CDKL2: variants seen among roughly 807,000 people sequenced by gnomAD.
CDKL2 encodes cyclin dependent kinase like 2, also known as cyclin-dependent kinase-like 2.
Under a neutral mutation model 63.9 loss-of-function variants are expected in CDKL2, and 64 were observed. The observed-to-expected ratio is 1.00, with a 90% confidence interval of 0.82 to 1.23. CDKL2 has a LOEUF of 1.23. CDKL2 is among the 50% of genes most tolerant of loss of function. The pLI is 0.00. For missense variants in CDKL2, 656 were observed against 668.0 expected (o/e 0.98, Z 0.20); for synonymous variants, 211 against 229.2 (o/e 0.92, Z 0.72).
At position 75,629,151 on chromosome 4, in the gene CDKL2, T is replaced by TTTTA. The variant is rs969747657; in HGVS notation, c.-30+887_-30+890dup. 9.0e-4 allele frequency among the ~76,000 whole-genome samples: 137 copies of TTTTA among 152,336 alleles called. 1 individual carries two copies. The highest frequency in any genetic ancestry group is 3.2e-3 in the African/African-American group (132 of 41,572). The stretch of plus-strand genomic sequence containing the variant: ...TTTTCTCTTCCATTAAGAGAGTATG[T>TTTTA]TTTATTAAGCACTAGGCTTTAGGTT... On this transcript the variant is annotated intron_variant, in intron 1 of 13. Coordinates refer to ENST00000307465, the MANE Select transcript of CDKL2 (RefSeq NM_001330724.2).
At chr4:75,621,568 A>G (rs894383147) in intron 2 of CDKL2, among the ~76,000 whole-genome samples, 18 of 151,916 alleles carry the variant, frequency 1.2e-4, no homozygotes, top group Admixed American at 9.2e-4. Context: ...TACAGTGCCC[A>G]GGCTGGAGTG....
chr4:75,612,807 A>C (rs1200148404), intron 3 of CDKL2, among the ~76,000 whole-genome samples: 1 of 152,208 alleles, frequency 6.6e-6, no homozygotes, highest in African/African-American at 2.4e-5. Context: ...AGAGACAGAT[A>C]GTCTCAAAAT....
chr4:75,615,104 G>A (rs1423739550), intron 2 of CDKL2, among the ~76,000 whole-genome samples: 1 of 151,978 alleles, frequency 6.6e-6, no homozygotes, highest in Non-Finnish European at 1.5e-5. Flanking sequence ...GTGAGGCAGT[G>A]TAGAAGGCAA....
At chr4:75,603,043 A>C (rs1578332705) in intron 6 of CDKL2, among the ~76,000 whole-genome samples, 1 of 124,094 alleles carries the variant, frequency 8.1e-6, no homozygotes, top group South Asian at 2.5e-4. Context: ...CCCAGGCCGG[A>C]CTGCGGACTG....
chr4:75,592,211 G>A lies in CDKL2; in HGVS notation c.1475C>T (p.Thr492Ile), dbSNP rs1728745419. The A allele has an allele frequency of 6.5e-7, 1 of 1,534,742 alleles. No homozygotes were observed. Among genetic ancestry groups the A allele is most frequent in the African/African-American group, 1.4e-5 (1 of 72,974 alleles). ...GTTTAGTTCAGGCAAACGGACATCT[G>A]TCCTGGAGTATTCTCTTCTTTTCTT... The part of the protein sequence containing the change: ...ASKKRREYSR[T>I]DVRLPELNYN... Residue 492 changes from threonine (T) to isoleucine (I), a missense_variant, in exon 11 of 14, where the codon ACA becomes ATA. Physicochemically the swap from Thr to Ile is moderately conservative, Grantham distance 89 (BLOSUM62 -1). Transcript: ENST00000307465.
At position 75,584,594 on chromosome 4, in the gene CDKL2, G is replaced by A. The variant is rs182984028; in HGVS notation, c.1648-2696C>T. On this transcript the variant is annotated intron_variant, in intron 12 of 13. Coordinates refer to ENST00000307465, the MANE Select transcript of CDKL2 (RefSeq NM_001330724.2). The stretch of plus-strand genomic sequence containing the variant: ...GTGTTAAGTAGTCCCCCCGATCCAT[G>A]AGGGATATGTTCCAAGGCCCCCAGC... Among the ~76,000 whole-genome samples the A allele has an allele frequency of 3.9e-4, 60 of 152,288 alleles. 1 individual carries two copies. The highest frequency in any genetic ancestry group is 1.4e-3 in the African/African-American group (57 of 41,566).
At chr4:75,614,922 A>AGT (rs970807092) in intron 2 of CDKL2, among the ~76,000 whole-genome samples, 1 of 148,386 alleles carries the variant, frequency 6.7e-6, no homozygotes, top group Non-Finnish European at 1.5e-5. Context: ...ACATATATAT[A>AGT]GTATATATAT....
At chr4:75,580,511 C>T (rs1728213147) in intron 13 of CDKL2, among the ~76,000 whole-genome samples, 1 of 150,054 alleles carries the variant, frequency 6.7e-6, no homozygotes, top group African/African-American at 2.4e-5. Flanking sequence ...ACCAAAAATA[C>T]AAAAAATTAG....
At position 75,614,237 on chromosome 4, in the gene CDKL2, T is replaced by C; in HGVS notation, c.363+18A>G. On this transcript the variant is annotated intron_variant, in intron 3 of 13. Coordinates refer to ENST00000307465, the MANE Select transcript of CDKL2 (RefSeq NM_001330724.2). ...AATAAATATGTGATAAAGCAAATTA[T>C]TTAAACCCAATACTTACATTGTGAC... 6.6e-7 allele frequency: 1 copy of C among 1,505,488 alleles called. No homozygotes were observed. Among genetic ancestry groups the C allele is most frequent in the Non-Finnish European group, 9.1e-7 (1 of 1,098,806 alleles). The allele number at this position is 1,505,488 out of a possible 1,614,324, so 93.3% of individuals were successfully genotyped here.
In CDKL2 at chr4:75,578,293, C is replaced by A; in HGVS notation, c.*909G>T. ...AACTACCAGGGGACAAAAGTGGAGT[C>A]CATAATAATGAACGTTCTCTCCCCA... On this transcript the variant is annotated 3_prime_UTR_variant, in exon 14 of 14. Transcript: ENST00000307465. The A allele has an allele frequency of 6.6e-6, 1 of 152,162 alleles. No individual in the cohort carries two copies. The highest frequency in any genetic ancestry group is 1.9e-4 in the East Asian group (1 of 5,196). 9.4% of individuals were successfully genotyped at this position (152,162 alleles called of 1,614,324 possible). A position where few individuals can be genotyped will look rare whatever the true frequency, so the allele number is the denominator to read the frequency against.
At chr4:75,619,894 A>G (rs1328825026) in intron 2 of CDKL2, among the ~76,000 whole-genome samples, 1 of 152,176 alleles carries the variant, frequency 6.6e-6, no homozygotes, top group Non-Finnish European at 1.5e-5. Context: ...TTTAAAAAGT[A>G]ATCTTTCAGG....
rs183314986 is a variant in CDKL2 at position 75,610,543 on chromosome 4, A to G, written c.364-3182T>C. Among the ~76,000 whole-genome samples, 595 of 152,274 alleles carry G rather than the reference A, an allele frequency of 3.9e-3. 12 individuals are homozygous for G. Among genetic ancestry groups the G allele is most frequent in the South Asian group, 0.029 (141 of 4,828 alleles). On this transcript the variant is annotated intron_variant, in intron 3 of 13. Coordinates refer to ENST00000307465, the MANE Select transcript of CDKL2 (RefSeq NM_001330724.2). ...ATACTAGATATAACCTAAATAAATT[A>G]TGATACCTAGTAATTTCAGTAAAAA...
chr4:75,604,802 C>A (rs1396597680), intron 5 of CDKL2, among the ~76,000 whole-genome samples: 3 of 152,206 alleles, frequency 2.0e-5, no homozygotes, highest in Non-Finnish European at 4.4e-5. Context: ...CTGCTCTTTT[C>A]CTCTCTCTTG....
At chr4:75,620,785 AAAG>A (rs1316343454) in intron 2 of CDKL2, among the ~76,000 whole-genome samples, 21 of 152,164 alleles carry the variant, frequency 1.4e-4, no homozygotes, top group Non-Finnish European at 2.4e-4. Flanking sequence ...GTGAAGGTGA[AAAG>A]AAGGAGTACA....
intron 3 of CDKL2, among the ~76,000 whole-genome samples, chr4:75,610,789 C>G (rs1000778584): frequency 5.9e-5 from 9 of 152,018 alleles, no homozygotes; most frequent in African/African-American, 2.2e-4. Flanking sequence ...TTCTTAAAGT[C>G]AAGCATCTCA....
intron 1 of CDKL2, among the ~76,000 whole-genome samples, chr4:75,629,477 A>G (rs1730578799): frequency 6.6e-6 from 1 of 152,216 alleles, no homozygotes; most frequent in African/African-American, 2.4e-5. Context: ...TGTTTCCTGA[A>G]ACAGTTACTC....
chr4:75,589,299 C>CTTTTTTT (rs34052339), intron 12 of CDKL2, among the ~76,000 whole-genome samples: 2 of 88,412 alleles, frequency 2.3e-5, no homozygotes, highest in Non-Finnish European at 4.2e-5. Context: ...TTGATAGTTT[C>CTTTTTTT]TTTTTTTTTT....
At chr4:75,623,294 A>G (rs1730253462) in intron 2 of CDKL2, among the ~76,000 whole-genome samples, 1 of 152,106 alleles carries the variant, frequency 6.6e-6, no homozygotes. Flanking sequence ...AAAACCTACT[A>G]ACTAGAATAA....
At chr4:75,605,478 G>A (rs1175005333) in intron 5 of CDKL2, 44 bp downstream of exon 5, 2 of 1,140,306 alleles carry the variant, frequency 1.8e-6, no homozygotes, top group African/African-American at 1.6e-5. Flanking sequence ...AAACAAATAT[G>A]CAGAAAAATC....
Sources: gnomAD v4.1 joint callset for allele counts (sites outside exome capture counted in the v4.1 genomes callset) on GRCh38, gnomAD v4.1.1 for gene constraint, MANE v1.5 for transcripts, NCBI Gene and HGNC (gene_info 2026-07-23, HGNC 2026-07-21) for gene names.